Variants in SMG6 observed in about 807,000 individuals in gnomAD.
SMG6 encodes telomerase-binding protein EST1A.
Under a neutral mutation model 142.2 loss-of-function variants are expected in SMG6, and 66 were observed. That is an observed-to-expected ratio of 0.46 (90% CI 0.38 to 0.57). The LOEUF is 0.57. Ranked by LOEUF, SMG6 falls within the 20% of genes least tolerant of loss-of-function variation. The pLI is 0.00. For missense variants in SMG6, 1,793 were observed against 1,832.0 expected (o/e 0.98, Z 0.39); for synonymous variants, 779 against 702.4 (o/e 1.11, Z -1.72).
At chr17:2,264,434 G>A (rs1049966395) in intron 8 of SMG6, among the ~76,000 whole-genome samples, 6 of 152,172 alleles carry the variant, frequency 3.9e-5, no homozygotes, top group Non-Finnish European at 8.8e-5. Flanking sequence ...ACACCATACA[G>A]ATTCCCACAG....
intron 9 of SMG6, among the ~76,000 whole-genome samples, chr17:2,239,221 A>G (rs566745445): frequency 6.6e-6 from 1 of 152,340 alleles, no homozygotes; most frequent in South Asian, 2.1e-4. Context: ...GTCTACTACT[A>G]TCTTTTTGGA....
intron 13 of SMG6, among the ~76,000 whole-genome samples, chr17:2,121,693 T>C (rs2069707611): frequency 6.8e-6 from 1 of 146,518 alleles, no homozygotes; most frequent in African/African-American, 2.6e-5. Flanking sequence ...TAGCATGATT[T>C]TGGGCTCACT....
chr17:2,269,178 G>C (rs1210176370), intron 8 of SMG6, among the ~76,000 whole-genome samples: 1 of 131,486 alleles, frequency 7.6e-6, no homozygotes. Context: ...CGAGATCGCA[G>C]CACTGCACTC....
At chr17:2,300,744 T>A in intron 1 of SMG6, 80 bp from the exon 2 acceptor site, 1 of 1,313,470 alleles carries the variant, frequency 7.6e-7, no homozygotes, top group African/African-American at 1.5e-5. Context: ...AGACTGTCAT[T>A]CTGGTTAAGT....
chr17:2,133,359 A>G (rs2760736), intron 13 of SMG6, among the ~76,000 whole-genome samples: 52,804 of 152,028 alleles, frequency 0.35, 9,928 homozygotes, highest in African/African-American at 0.49. Flanking sequence ...GAGAGAACTT[A>G]TGTTTAATTC....
In SMG6 at chr17:2,061,453, G is replaced by A. The variant is rs1261139671; in HGVS notation, c.*39C>T. 2.7e-6 allele frequency: 4 copies of A among 1,506,628 alleles called. No individual in the cohort carries two copies. In the Admixed American group the frequency reaches 8.3e-5, roughly 31 times the overall value. The allele number at this position is 1,506,628 out of a possible 1,614,324, so 93.3% of individuals were successfully genotyped here. A position where few individuals can be genotyped will look rare whatever the true frequency, so the allele number is the denominator to read the frequency against. On this transcript the variant is annotated 3_prime_UTR_variant, in exon 19 of 19. Coordinates refer to ENST00000263073, the MANE Select transcript of SMG6 (RefSeq NM_017575.5). ...ACACTGGGCGCCTGGTGGCCTTTCA[G>A]GAACGGTTCCACGGGGGGGGGGCCC... is the stretch of plus-strand genomic sequence containing the variant.
chr17:2,296,157 A>T (rs1031595788), intron 4 of SMG6, among the ~76,000 whole-genome samples: 1 of 152,044 alleles, frequency 6.6e-6, no homozygotes, highest in Admixed American at 6.6e-5. Flanking sequence ...TGAAGTCCAA[A>T]CTCTTCGGCA....
intron 11 of SMG6, 128 bp downstream of exon 11, chr17:2,188,271 G>A (rs1319834228): frequency 4.1e-6 from 3 of 737,998 alleles, no homozygotes; most frequent in African/African-American, 3.6e-5. Context: ...AAGGAAGAGG[G>A]GCATGTAGGT....
intron 16 of SMG6, among the ~76,000 whole-genome samples, chr17:2,066,290 C>CTGTGTGCGTGTGTACATG (rs1228458168): frequency 6.6e-6 from 1 of 150,622 alleles, no homozygotes; most frequent in Non-Finnish European, 1.5e-5. Flanking sequence ...GTGTATGTGT[C>CTGTGTGCGTGTGTACATG]TGTGTGCGTG....
At chr17:2,292,778 A>G in intron 5 of SMG6, 93 bp downstream of exon 5, 1 of 1,364,530 alleles carries the variant, frequency 7.3e-7, no homozygotes, top group Non-Finnish European at 1.0e-6. Flanking sequence ...CAATAGGGAC[A>G]CCTGTACAAC....
intron 13 of SMG6, among the ~76,000 whole-genome samples, chr17:2,110,228 C>G (rs997782403): frequency 6.6e-6 from 1 of 151,966 alleles, no homozygotes; most frequent in Non-Finnish European, 1.5e-5. Context: ...AAGTACCAGG[C>G]CAAACTGAAG....
intron 12 of SMG6, among the ~76,000 whole-genome samples, chr17:2,184,785 T>A (rs1478186928): frequency 6.8e-6 from 1 of 146,526 alleles, no homozygotes; most frequent in African/African-American, 2.5e-5. Flanking sequence ...GCCCACGTGG[T>A]AAAACCCCGT....
intron 13 of SMG6, among the ~76,000 whole-genome samples, chr17:2,157,289 G>A (rs1440640069): frequency 6.6e-6 from 1 of 152,222 alleles, no homozygotes; most frequent in East Asian, 1.9e-4. Flanking sequence ...CAGACTGACA[G>A]ACAAAGCAGA....
At chr17:2,246,113 G>A (rs529449760) in intron 8 of SMG6, among the ~76,000 whole-genome samples, 5 of 152,324 alleles carry the variant, frequency 3.3e-5, no homozygotes, top group African/African-American at 1.2e-4. Context: ...ATTTACAATC[G>A]TGGTTCAAGG....
chr17:2,254,341 T>G (rs374594205), intron 8 of SMG6, among the ~76,000 whole-genome samples: 10 of 152,154 alleles, frequency 6.6e-5, no homozygotes, highest in African/African-American at 1.7e-4. Context: ...ACCCATTTTT[T>G]TTGTTGTTGT....
intron 10 of SMG6, among the ~76,000 whole-genome samples, chr17:2,230,613 G>A (rs2073461798): frequency 1.3e-5 from 2 of 152,172 alleles, no homozygotes; most frequent in Non-Finnish European, 1.5e-5. Context: ...GAACCCAGAA[G>A]TGGAAAGACA....
chr17:2,079,884 G>A (rs2068365282), intron 15 of SMG6, among the ~76,000 whole-genome samples: 3 of 151,876 alleles, frequency 2.0e-5, no homozygotes, highest in Middle Eastern at 3.4e-3. Flanking sequence ...AGACCAGCCT[G>A]GCCAACATGG....
At chr17:2,227,739 C>A (rs2073359318) in intron 10 of SMG6, among the ~76,000 whole-genome samples, 1 of 152,158 alleles carries the variant, frequency 6.6e-6, no homozygotes, top group Admixed American at 6.5e-5. Context: ...GTAAACTTTA[C>A]TTCAACAAAA....
chr17:2,091,888 T>C (rs1488896762), intron 13 of SMG6, among the ~76,000 whole-genome samples: 4 of 151,928 alleles, frequency 2.6e-5, no homozygotes, highest in Admixed American at 6.6e-5. Context: ...TTCACCGTGT[T>C]AGCCAGGACG....
Sources: gnomAD v4.1 joint callset for allele counts (sites outside exome capture counted in the v4.1 genomes callset) on GRCh38, gnomAD v4.1.1 for gene constraint, MANE v1.5 for transcripts, NCBI Gene and HGNC (gene_info 2026-07-23, HGNC 2026-07-21) for gene names.